The following SMCHD1 variants were observed in gnomAD, a reference collection of about 807,000 sequenced individuals.
The protein encoded by SMCHD1 is structural maintenance of chromosomes flexible hinge domain-containing protein 1.
A neutral mutation model predicts 254.7 loss-of-function variants in SMCHD1; 78 were observed. That is an observed-to-expected ratio of 0.31 (90% CI 0.26 to 0.37). The LOEUF is 0.37. SMCHD1 is among the 10% of genes least tolerant of loss of function. The pLI is 1.00. For synonymous variants in SMCHD1, 766 were observed against 794.9 expected (o/e 0.96, Z 0.61); for missense variants, 1,840 against 2,408.1 (o/e 0.76, Z 4.94).
At chr18:2,795,013 CTGAG>C (rs2076233492) in intron 45 of SMCHD1, among the ~76,000 whole-genome samples, 1 of 150,718 alleles carries the variant, frequency 6.6e-6, no homozygotes, top group Admixed American at 6.6e-5. Flanking sequence ...AAGTATTTTT[CTGAG>C]TGTGTTTTTA....
intron 47 of SMCHD1, among the ~76,000 whole-genome samples, chr18:2,798,350 A>T (rs1394532569): frequency 2.0e-5 from 3 of 151,328 alleles, no homozygotes; most frequent in Non-Finnish European, 4.4e-5. Context: ...CTGATCATTC[A>T]AAGTGTGTTG....
intron 45 of SMCHD1, chr18:2,784,945 C>A: frequency 1.2e-5 from 4 of 335,952 alleles, no homozygotes; most frequent in East Asian, 8.7e-5. Flanking sequence ...GACTCCATCT[C>A]TTAAAAAAAA....
intron 45 of SMCHD1, among the ~76,000 whole-genome samples, chr18:2,785,617 A>C (rs1020182874): frequency 7.9e-6 from 1 of 126,928 alleles, no homozygotes; most frequent in African/African-American, 3.0e-5. Flanking sequence ...GCACCACTGC[A>C]CTCCAGCCTG....
chr18:2,722,751 G>A (rs1279475275), intron 20 of SMCHD1, 88 bp downstream of exon 20: 1 of 1,151,554 alleles, frequency 8.7e-7, no homozygotes, highest in Admixed American at 2.7e-5. Flanking sequence ...TGTGTGTAAG[G>A]TGTTCAACTT....
rs925962352 is a variant in SMCHD1, at chr18:2,804,143, A to G, written c.*1591A>G. The G allele has an allele frequency of 3.9e-5, 6 of 152,186 alleles. No individual in the cohort carries two copies. The highest frequency in any genetic ancestry group is 3.9e-4 in the Admixed American group (6 of 15,262). 9.4% of individuals were successfully genotyped at this position (152,186 alleles called of 1,614,324 possible). A position where few individuals can be genotyped will look rare whatever the true frequency, so the allele number is the denominator to read the frequency against. The stretch of plus-strand genomic sequence containing the variant: ...GTTAAAGAGAAATGACTTTTTAGGA[A>G]CTAGACTTGAACGTATAATTAATAT... On this transcript the variant is annotated 3_prime_UTR_variant, in exon 48 of 48. Coordinates refer to ENST00000320876, the MANE Select transcript of SMCHD1 (RefSeq NM_015295.3).
At chr18:2,738,330 A>G in intron 25 of SMCHD1, 67 bp from the exon 26 acceptor site, 1 of 1,361,386 alleles carries the variant, frequency 7.3e-7, no homozygotes, top group Admixed American at 2.8e-5. Context: ...TTTAAGAGTA[A>G]GATAAGTGGC....
In SMCHD1 at chr18:2,729,368, A is replaced by G. The variant is rs777768323; in HGVS notation, c.3007A>G (p.Ile1003Val). ...LTGSAIQVQN[I>V]KKDQTLKARI... ...AGGATCTGCAATTCAAGTTCAGAAT[A>G]TTAAAAAAGACCAGACGCTTAAAGC... is the stretch of plus-strand genomic sequence containing the variant. The change falls in exon 24 of 48, where the codon ATT becomes GTT. Residue 1003 changes from isoleucine to valine, a missense_variant. Physicochemically the swap from Ile to Val is conservative, Grantham distance 29 (BLOSUM62 3). This residue lies in a region of SMCHD1 where 881 missense variants were observed against 1,009.5 expected (regional missense o/e 0.87). Transcript: ENST00000320876. The G allele has an allele frequency of 3.2e-6, 5 of 1,550,656 alleles. No homozygotes were observed. Among genetic ancestry groups the G allele is most frequent in the East Asian group, 2.4e-5 (1 of 42,322 alleles).
At chr18:2,797,749 ACCCT>A (rs1448611719) in intron 47 of SMCHD1, among the ~76,000 whole-genome samples, 1 of 152,106 alleles carries the variant, frequency 6.6e-6, no homozygotes, top group Non-Finnish European at 1.5e-5. Context: ...ACATGGCAAA[ACCCT>A]GTCTCTACTA....
intron 34 of SMCHD1, 103 bp downstream of exon 34, chr18:2,752,655 C>A: frequency 2.8e-6 from 2 of 711,932 alleles, no homozygotes; most frequent in South Asian, 1.9e-5. Flanking sequence ...AATTTATGAT[C>A]AAATAGAAAT....
At chr18:2,666,806 A>G (rs2073453138) in intron 2 of SMCHD1, 64 bp from the exon 3 acceptor site, 1 of 1,310,258 alleles carries the variant, frequency 7.6e-7, no homozygotes. Flanking sequence ...GTATATTCAC[A>G]ATTATAAGTT....
At chr18:2,702,064 C>T (rs950326674) in intron 12 of SMCHD1, among the ~76,000 whole-genome samples, 7 of 151,756 alleles carry the variant, frequency 4.6e-5, no homozygotes, top group Admixed American at 3.9e-4. Context: ...AGTTATCCAA[C>T]ATTTATTGAG....
At chr18:2,767,121 G>A (rs1165306785) in intron 37 of SMCHD1, among the ~76,000 whole-genome samples, 1 of 152,010 alleles carries the variant, frequency 6.6e-6, no homozygotes, top group African/African-American at 2.4e-5. Context: ...GCCAAGCATG[G>A]TGACAACGCA....
intron 27 of SMCHD1, 63 bp from the exon 28 acceptor site, chr18:2,740,640 A>G (rs1367071266): frequency 3.5e-6 from 3 of 847,068 alleles, no homozygotes; most frequent in Non-Finnish European, 5.5e-6. Flanking sequence ...TTTATAGTGT[A>G]TTGTAGATAT....
intron 17 of SMCHD1, among the ~76,000 whole-genome samples, chr18:2,708,803 A>G (rs2074581840): frequency 7.2e-6 from 1 of 139,128 alleles, no homozygotes; most frequent in South Asian, 2.3e-4. Context: ...TTTAGTAGAG[A>G]TGGGGTTTGA....
In SMCHD1 at chr18:2,674,159, A is replaced by G; in HGVS notation, c.638+14A>G. ...TGACTTTGAAAGGTTAGAAAACCTT[A>G]CTTTTTTTTTTTTGTGGGTAGCTAT... On this transcript the variant is annotated intron_variant, in intron 5 of 47. Coordinates refer to ENST00000320876, the MANE Select transcript of SMCHD1 (RefSeq NM_015295.3). The G allele has an allele frequency of 6.5e-7, 1 of 1,530,286 alleles. No homozygotes were observed. The highest frequency in any genetic ancestry group is 8.7e-7 in the Non-Finnish European group (1 of 1,145,130). 94.8% of individuals were successfully genotyped at this position (1,530,286 alleles called of 1,614,324 possible).
In SMCHD1 at chr18:2,704,506, A is replaced by T. The variant is rs117035772; in HGVS notation, c.1842+620A>T. ...GTGATATTATATCCTAGCAATGGGG[A>T]TAGTGTAAGCATAAATAATAGGTAA... On this transcript the variant is annotated intron_variant, in intron 13 of 47. Transcript: ENST00000320876. Among the ~76,000 whole-genome samples the T allele has an allele frequency of 5.0e-3, 761 of 152,026 alleles. 4 individuals are homozygous for T. Among genetic ancestry groups the T allele is most frequent in the Non-Finnish European group, 5.2e-3 (355 of 67,954 alleles).
At chr18:2,716,993 T>C (rs754603277) in intron 17 of SMCHD1, among the ~76,000 whole-genome samples, 18 of 152,204 alleles carry the variant, frequency 1.2e-4, no homozygotes, top group Non-Finnish European at 2.4e-4. Flanking sequence ...CACTTGCCTC[T>C]CAATTCTGGT....
chr18:2,716,639 G>A (rs1002400840), intron 17 of SMCHD1, among the ~76,000 whole-genome samples: 2 of 152,196 alleles, frequency 1.3e-5, no homozygotes, highest in East Asian at 3.9e-4. Flanking sequence ...CAGTTCTCAG[G>A]CCCCGAAGGA....
chr18:2,690,630 C>A (rs2074153577), intron 7 of SMCHD1, among the ~76,000 whole-genome samples: 1 of 151,526 alleles, frequency 6.6e-6, no homozygotes, highest in Admixed American at 6.6e-5. Flanking sequence ...TGCCACCACA[C>A]CTGGCTAATT....
Sources: allele counts gnomAD v4.1 joint callset (sites outside exome capture counted in the v4.1 genomes callset), GRCh38; gene constraint gnomAD v4.1.1; regional missense constraint gnomAD v4.1.1; transcripts MANE v1.5; gene names NCBI Gene and HGNC (gene_info 2026-07-23, HGNC 2026-07-21).